Variants in CTNNA2 observed in about 807,000 individuals in gnomAD.
CTNNA2 encodes catenin alpha 2.
A neutral mutation model predicts 101.0 loss-of-function variants in CTNNA2; 42 were observed. The ratio of observed to expected loss-of-function variants is 0.42; its 90% CI spans 0.32 to 0.54. CTNNA2 has a LOEUF of 0.54. Ranked by LOEUF, CTNNA2 falls within the 20% of genes least tolerant of loss-of-function variation. CTNNA2 has a pLI of 0.14. For synonymous variants in CTNNA2, 450 were observed against 456.4 expected (o/e 0.99, Z 0.18); for missense variants, 871 against 1,223.1 (o/e 0.71, Z 4.29).
At chr2:79,336,782 G>GCT (rs1316610676) in intron 3 of CTNNA2, among the ~76,000 whole-genome samples, 2 of 152,248 alleles carry the variant, frequency 1.3e-5, no homozygotes, top group East Asian at 3.9e-4. Flanking sequence ...TGTCGTCAAA[G>GCT]CTTGATTAAA....
rs34694986 is a variant in CTNNA2 at position 79,320,260 on chromosome 2, ATT to A, written c.-318+7487_-318+7488del. 6.9e-3 allele frequency among the ~76,000 whole-genome samples: 822 copies of A among 119,744 alleles called. 11 individuals carry two copies. The highest frequency in any genetic ancestry group is 0.024 in the African/African-American group (765 of 31,572). The allele number at this position is 119,744 out of a possible 152,430, so 78.6% of individuals were successfully genotyped here. ...TCATAGTACCTACCTTTACGTTTCA[ATT>A]TTTTTTTTTTTTTTTTTTTTTTACC... On this transcript the variant is annotated intron_variant, in intron 3 of 21. Transcript: ENST00000466387.
chr2:79,768,266 C>T (rs752384673), intron 3 of CTNNA2, among the ~76,000 whole-genome samples: 11 of 151,506 alleles, frequency 7.3e-5, no homozygotes, highest in Non-Finnish European at 1.6e-4. Context: ...GGAGGGGTGG[C>T]TTCAGTGATC....
At chr2:79,857,126 C>T (rs2103944632) in intron 3 of CTNNA2, among the ~76,000 whole-genome samples, 1 of 152,266 alleles carries the variant, frequency 6.6e-6, no homozygotes, top group African/African-American at 2.4e-5. Context: ...GCTTCAGAGC[C>T]CACGAAGTGT....
At chr2:79,780,522 C>T (rs1317189574) in intron 3 of CTNNA2, among the ~76,000 whole-genome samples, 2 of 152,096 alleles carry the variant, frequency 1.3e-5, no homozygotes, top group Non-Finnish European at 2.9e-5. Context: ...TTCTCTTTCC[C>T]CCACAAACAT....
chr2:79,854,656 C>G (rs1030370694), intron 3 of CTNNA2, among the ~76,000 whole-genome samples: 2 of 151,964 alleles, frequency 1.3e-5, no homozygotes, highest in African/African-American at 4.8e-5. Context: ...TCCGTTGGTC[C>G]CTTATTTGGT....
At chr2:79,579,305 A>G (rs889649531) in intron 1 of CTNNA2, among the ~76,000 whole-genome samples, 3 of 135,680 alleles carry the variant, frequency 2.2e-5, no homozygotes, top group Non-Finnish European at 4.6e-5. Flanking sequence ...TTTTCTTCCT[A>G]GAATTCTAAT....
At chr2:80,195,488 C>T (rs1330152168) in intron 7 of CTNNA2, among the ~76,000 whole-genome samples, 1 of 151,934 alleles carries the variant, frequency 6.6e-6, no homozygotes, top group Admixed American at 6.6e-5. Context: ...AAATCGAGTC[C>T]AAGTTTACAA....
chr2:79,195,224 C>T (rs542091721), intron 1 of CTNNA2, among the ~76,000 whole-genome samples: 2 of 152,326 alleles, frequency 1.3e-5, no homozygotes, highest in South Asian at 2.1e-4. Context: ...CACATCATGG[C>T]AGCAATGAAT....
At chr2:79,458,003 C>T (rs1166891465) in intron 4 of CTNNA2, among the ~76,000 whole-genome samples, 1 of 152,170 alleles carries the variant, frequency 6.6e-6, no homozygotes, top group Admixed American at 6.5e-5. Flanking sequence ...AAATAAGATG[C>T]AGCTGCAGGA....
chr2:80,360,895 C>G (rs928786860), intron 7 of CTNNA2, among the ~76,000 whole-genome samples: 1 of 151,890 alleles, frequency 6.6e-6, no homozygotes, highest in African/African-American at 2.4e-5. Context: ...TCTATTGATA[C>G]TTGCTATTGA....
At chr2:80,293,890 T>C (rs1675488543) in intron 7 of CTNNA2, among the ~76,000 whole-genome samples, 1 of 152,104 alleles carries the variant, frequency 6.6e-6, no homozygotes, top group African/African-American at 2.4e-5. Flanking sequence ...AAGAAAAGAG[T>C]GTCAGGCTTG....
chr2:80,267,174 C>T (rs1384674852), intron 7 of CTNNA2, among the ~76,000 whole-genome samples: 1 of 152,146 alleles, frequency 6.6e-6, no homozygotes, highest in Non-Finnish European at 1.5e-5. Context: ...GGCTTCCTCT[C>T]CCTCTCCTCT....
At chr2:79,331,923 C>T (rs770172188) in intron 3 of CTNNA2, among the ~76,000 whole-genome samples, 1 of 152,150 alleles carries the variant, frequency 6.6e-6, no homozygotes. Context: ...ACTAGTTATG[C>T]TGAGACACAT....
chr2:80,087,881 T>A (rs945818651), intron 7 of CTNNA2, among the ~76,000 whole-genome samples: 1 of 151,942 alleles, frequency 6.6e-6, no homozygotes, highest in South Asian at 2.1e-4. Flanking sequence ...TCTCTTTTTC[T>A]CTCCCTAGTC....
chr2:80,143,192 T>C (rs560259951), intron 7 of CTNNA2, among the ~76,000 whole-genome samples: 2 of 152,304 alleles, frequency 1.3e-5, no homozygotes, highest in African/African-American at 4.8e-5. Flanking sequence ...CAAGTGTCCT[T>C]CCTCCAACAG....
chr2:79,993,658 A>G (rs1692338289), intron 7 of CTNNA2, among the ~76,000 whole-genome samples: 2 of 152,228 alleles, frequency 1.3e-5, no homozygotes, highest in South Asian at 4.1e-4. Context: ...TGGAGTGAAG[A>G]GGGAGAAGAG....
intron 1 of CTNNA2, chr2:79,649,278 T>A (rs1219790309): frequency 6.5e-6 from 1 of 154,764 alleles, no homozygotes; most frequent in East Asian, 1.9e-4. Context: ...CATGCCCATG[T>A]TATAATGGAA....
chr2:80,450,941 G>A (rs766968326), intron 9 of CTNNA2, among the ~76,000 whole-genome samples: 10 of 151,620 alleles, frequency 6.6e-5, no homozygotes, highest in Non-Finnish European at 1.2e-4. Context: ...TCTTAACCAA[G>A]TCTTCATTAA....
intron 2 of CTNNA2, among the ~76,000 whole-genome samples, chr2:79,708,153 A>G (rs1392753288): frequency 3.3e-5 from 5 of 152,176 alleles, no homozygotes; most frequent in African/African-American, 9.6e-5. Context: ...ACATTATGCC[A>G]TTTGATTTCT....
Sources: allele counts gnomAD v4.1 joint callset (sites outside exome capture counted in the v4.1 genomes callset), GRCh38; gene constraint gnomAD v4.1.1; transcripts MANE v1.5; gene names NCBI Gene and HGNC (gene_info 2026-07-23, HGNC 2026-07-21).